The following LRRC66 variants were observed in gnomAD, a reference collection of about 807,000 sequenced individuals.
LRRC66 encodes the protein leucine-rich repeat-containing protein 66.
A neutral mutation model predicts 24.6 loss-of-function variants in LRRC66; 29 were observed. The ratio of observed to expected loss-of-function variants is 1.18; its 90% CI spans 0.88 to 1.61. The LOEUF (loss-of-function observed/expected upper bound fraction) is 1.61, where lower values mean the gene tolerates loss of function less well. Ranked by LOEUF, LRRC66 falls within the 40% of genes most tolerant of loss-of-function variation. The pLI is 0.00. For missense variants in LRRC66, 1,124 were observed against 1,058.0 expected (o/e 1.06, Z -0.87); for synonymous variants, 411 against 397.6 (o/e 1.03, Z -0.40).
chr4:51,995,567 C>T lies in LRRC66; in HGVS notation c.1455G>A (p.Ser485=). 2.5e-6 allele frequency: 4 copies of T among 1,614,134 alleles called. No individual in the cohort carries two copies. The highest frequency in any genetic ancestry group is 2.2e-5 in the South Asian group (2 of 91,072). Residue 485 remains serine, a synonymous_variant, in exon 5 of 5, where the codon TCG becomes TCA. Transcript: ENST00000682860. The stretch of plus-strand genomic sequence containing the variant: ...TGTCCCCGCACTGTCCTGGGCTCTG[C>T]GAACTGCCAGGATCCTTTCTGCTCC... ...LGRSRKDPGS[S]QSPGQCGDNT... is the part of the protein sequence containing the mutation.
intron 2 of LRRC66, 36 bp from the exon 3 acceptor site, chr4:52,003,428 G>A (rs776484075): frequency 7.6e-6 from 12 of 1,585,186 alleles, no homozygotes; most frequent in Admixed American, 3.5e-5. Context: ...AATCTAAACT[G>A]GTAAAATTTA....
At chr4:52,018,581 G>A (rs1736871319) in intron 1 of LRRC66, 1 of 985,326 alleles carries the variant, frequency 1.0e-6, no homozygotes. Flanking sequence ...TCTGCCTCTT[G>A]ACTTTCCTTC....
chr4:52,019,991 G>A (rs1470872733), intron 1 of LRRC66, among the ~76,000 whole-genome samples: 1 of 151,882 alleles, frequency 6.6e-6, no homozygotes, highest in Non-Finnish European at 1.5e-5. Flanking sequence ...TATGTATTAG[G>A]TAAGGAACCA....
chr4:52,002,925 C>T (rs561738556), intron 3 of LRRC66, among the ~76,000 whole-genome samples: 11 of 152,138 alleles, frequency 7.2e-5, no homozygotes, highest in Non-Finnish European at 1.2e-4. Context: ...GATTTAATTC[C>T]TTGCCAACTG....
rs1278151440 is a variant in LRRC66, at chr4:51,995,644, C to T, written c.1378G>A (p.Val460Met). ...GTGGCGTGTGGGTGTGGCTGTGTCACCCAGAAAGGGGTCTGGTTCTCGTAG... is the reference window on the plus strand; with the variant it reads ...GTGGCGTGTGGGTGTGGCTGTGTCATCCAGAAAGGGGTCTGGTTCTCGTAG... ...SLYENQTPFW[V>M]TQPHPHATVI... Residue 460 changes from valine to methionine, a missense_variant, in exon 5 of 5, where the codon GTG (valine) becomes ATG (methionine). Transcript: ENST00000682860. 2 of 1,614,036 alleles carry T rather than the reference C, an allele frequency of 1.2e-6. No homozygotes were observed. Among genetic ancestry groups the T allele is most frequent in the Non-Finnish European group, 1.7e-6 (2 of 1,180,014 alleles).
At chr4:52,005,644 C>CT (rs377634579) in intron 2 of LRRC66, among the ~76,000 whole-genome samples, 4,938 of 143,016 alleles carry the variant, frequency 0.035, 80 homozygotes, top group South Asian at 0.044. Flanking sequence ...GCCAAGAAGA[C>CT]TTTTTTTTTT....
At chr4:52,003,759 G>A (rs980679769) in intron 2 of LRRC66, among the ~76,000 whole-genome samples, 1 of 152,216 alleles carries the variant, frequency 6.6e-6, no homozygotes, top group African/African-American at 2.4e-5. Context: ...GTTGAGGGAA[G>A]TGAAGAGGGA....
chr4:52,014,820 GTCTA>G (rs931725058), intron 2 of LRRC66, among the ~76,000 whole-genome samples: 11 of 152,268 alleles, frequency 7.2e-5, no homozygotes, highest in African/African-American at 2.6e-4. Context: ...AACTTCCACC[GTCTA>G]TCTCTTTTCA....
intron 1 of LRRC66, among the ~76,000 whole-genome samples, chr4:52,019,444 T>C (rs188139430): frequency 6.6e-6 from 1 of 152,314 alleles, no homozygotes; most frequent in East Asian, 1.9e-4. Context: ...TGGGTTATGT[T>C]GTTTGTGTGT....
chr4:51,994,068 G>A lies in LRRC66; in HGVS notation c.*311C>T, dbSNP rs2087596174. 3.9e-6 allele frequency: 1 copy of A among 258,608 alleles called. No homozygotes were observed. 16.0% of individuals were successfully genotyped at this position (258,608 alleles called of 1,614,324 possible). On this transcript the variant is annotated 3_prime_UTR_variant, in exon 5 of 5. Transcript: ENST00000682860. The stretch of plus-strand genomic sequence containing the variant: ...GTGCTCCTGTGTTCTCAGTGAACTG[G>A]TTTTGTTTGGAGCTCTTGTAATAAT...
rs1463580574 is a variant in LRRC66, at chr4:51,995,726, C to CGCA, written c.1293_1295dup (p.Ala432dup). ...GGGTCTCTGGGTGTGGTGTGTGCCC[C>CGCA]GCAGCTTCCATGTCATCGTAGAAGC... is the stretch of plus-strand genomic sequence containing the variant. On this transcript the variant is annotated inframe_insertion, in exon 5 of 5. Coordinates refer to ENST00000682860, the MANE Select transcript of LRRC66 (RefSeq NM_001024611.3). The CGCA allele has an allele frequency of 1.2e-6, 2 of 1,614,032 alleles. No homozygotes were observed. Among genetic ancestry groups the CGCA allele is most frequent in the South Asian group, 1.1e-5 (1 of 91,072 alleles).
At chr4:52,016,400 G>A (rs575165019) in intron 2 of LRRC66, among the ~76,000 whole-genome samples, 170 of 152,232 alleles carry the variant, frequency 1.1e-3, no homozygotes, top group Non-Finnish European at 1.8e-3. Flanking sequence ...AACAAACAAG[G>A]AAAGGAAATT....
At chr4:51,999,434 G>C (rs1442814719) in intron 3 of LRRC66, among the ~76,000 whole-genome samples, 22 of 152,236 alleles carry the variant, frequency 1.4e-4, no homozygotes, top group Non-Finnish European at 1.6e-4. Context: ...TTAATGAATA[G>C]CCAAGCAGTG....
At chr4:52,018,026 T>A (rs1343173643) in intron 1 of LRRC66, 1 of 985,142 alleles carries the variant, frequency 1.0e-6, no homozygotes, top group Non-Finnish European at 1.2e-6. Flanking sequence ...AACATAGTAA[T>A]CAACCATGTA....
intron 1 of LRRC66, among the ~76,000 whole-genome samples, chr4:52,019,967 TATTTATAA>T (rs1736905950): frequency 6.6e-6 from 1 of 152,154 alleles, no homozygotes; most frequent in African/African-American, 2.4e-5. Flanking sequence ...AAAATCATAC[TATTTATAA>T]ATTTATATGT....
chr4:52,007,531 T>A (rs1382925771), intron 2 of LRRC66, among the ~76,000 whole-genome samples: 6 of 134,842 alleles, frequency 4.4e-5, no homozygotes, highest in Admixed American at 3.4e-4. Flanking sequence ...ACTTAAGGCC[T>A]CCATGCTTGT....
At position 51,996,069 on chromosome 4, in the gene LRRC66, C is replaced by T. The variant is rs1736308087; in HGVS notation, c.953G>A (p.Arg318Lys). ...IHLHRMKSLI[R>K]SKAERPQGGR... ...TCCCTGGGGCCTCTCTGCTTTGCTC[C>T]TTATGAGGCTTTTCATGCGATGCAG... The change falls in exon 5 of 5, where the codon AGG (arginine) becomes AAG (lysine). Residue 318 changes from arginine to lysine, a missense_variant. Transcript: ENST00000682860. 3 of 1,613,976 alleles carry T rather than the reference C, an allele frequency of 1.9e-6. No homozygotes were observed. The highest frequency in any genetic ancestry group is 2.5e-6 in the Non-Finnish European group (3 of 1,180,026).
intron 2 of LRRC66, among the ~76,000 whole-genome samples, chr4:52,003,877 C>T (rs1022904255): frequency 1.9e-4 from 29 of 152,234 alleles, no homozygotes; most frequent in African/African-American, 7.0e-4. Flanking sequence ...GATTGAAAGA[C>T]GTGATAAATA....
intron 4 of LRRC66, among the ~76,000 whole-genome samples, chr4:51,996,423 T>A (rs993299323): frequency 4.6e-5 from 7 of 151,872 alleles, no homozygotes; most frequent in South Asian, 2.1e-4. Flanking sequence ...GCTTTTTTTT[T>A]ATTTTCCTAC....
Sources: allele counts gnomAD v4.1 joint callset (sites outside exome capture counted in the v4.1 genomes callset), GRCh38; gene constraint gnomAD v4.1.1; transcripts MANE v1.5; gene names NCBI Gene and HGNC (gene_info 2026-07-23, HGNC 2026-07-21).